The following CLIC5 variants were observed in gnomAD, a reference collection of about 807,000 sequenced individuals.
CLIC5 encodes chloride intracellular channel protein 5.
A neutral mutation model predicts 24.7 loss-of-function variants in CLIC5; 20 were observed. The ratio of observed to expected loss-of-function variants is 0.81; its 90% CI spans 0.57 to 1.18. The LOEUF is 1.18. Ranked by LOEUF, CLIC5 falls within the 50% of genes most tolerant of loss-of-function variation. CLIC5 has a pLI of 0.00. For synonymous variants in CLIC5, 159 were observed against 135.6 expected (o/e 1.17, Z -1.20); for missense variants, 341 against 326.1 (o/e 1.05, Z -0.35).
the CLIC5 span, among the ~76,000 whole-genome samples, chr6:46,111,921 C>T: frequency 4.6e-5 from 7 of 152,066 alleles, no homozygotes; most frequent in African/African-American, 1.7e-4. Context: ...CTCTTGTCTG[C>T]CACTATGTAA....
At chr6:45,919,225 C>T (rs1305249282) in intron 4 of CLIC5, among the ~76,000 whole-genome samples, 1 of 152,162 alleles carries the variant, frequency 6.6e-6, no homozygotes, top group East Asian at 1.9e-4. Context: ...GCTCTCCTTC[C>T]TGAGTCAGTG....
At chr6:46,001,251 G>A (rs1363082753) in intron 1 of CLIC5, among the ~76,000 whole-genome samples, 4 of 152,116 alleles carry the variant, frequency 2.6e-5, no homozygotes, top group African/African-American at 7.2e-5. Flanking sequence ...AGGTCCTGGG[G>A]TCTTGACTGG....
chr6:46,056,866 A>G (rs187492459), intron 1 of CLIC5, among the ~76,000 whole-genome samples: 207 of 152,194 alleles, frequency 1.4e-3, no homozygotes, highest in South Asian at 2.3e-3. Context: ...TACTGCACAA[A>G]TCAGTTTATA....
intron 5 of CLIC5, among the ~76,000 whole-genome samples, chr6:45,911,353 G>C (rs1762812222): frequency 6.6e-6 from 1 of 152,176 alleles, no homozygotes; most frequent in South Asian, 2.1e-4. Flanking sequence ...TGAAGTCCGA[G>C]TCCTTTGATA....
At chr6:46,015,939 A>T, upstream of CLIC5, 1 of 989,820 alleles carries the variant, frequency 1.0e-6, no homozygotes. Context: ...CGGCGGGGAC[A>T]CCCCGGCAGC....
At chr6:45,965,394 G>A (rs1764984046) in intron 1 of CLIC5, among the ~76,000 whole-genome samples, 1 of 152,226 alleles carries the variant, frequency 6.6e-6, no homozygotes, top group African/African-American at 2.4e-5. Context: ...AAGGAATATA[G>A]ATGGTTGAAG....
At chr6:45,988,004 A>G (rs1765801939) in intron 1 of CLIC5, among the ~76,000 whole-genome samples, 1 of 152,200 alleles carries the variant, frequency 6.6e-6, no homozygotes. Context: ...TAAAAGTCTT[A>G]ACTCATTCCA....
intron 1 of CLIC5, among the ~76,000 whole-genome samples, chr6:45,996,029 C>A (rs1042055756): frequency 4.0e-5 from 6 of 151,546 alleles, no homozygotes; most frequent in Non-Finnish European, 8.8e-5. Flanking sequence ...GGCTTCATAC[C>A]CAGGTAATGG....
At chr6:46,035,467 T>G (rs1318064132) in intron 1 of CLIC5, among the ~76,000 whole-genome samples, 1 of 152,232 alleles carries the variant, frequency 6.6e-6, no homozygotes, top group Non-Finnish European at 1.5e-5. Context: ...TAACTCTGCC[T>G]GAACTTCCCT....
At chr6:46,029,895 G>A (rs1767450593) in intron 1 of CLIC5, among the ~76,000 whole-genome samples, 1 of 152,176 alleles carries the variant, frequency 6.6e-6, no homozygotes, top group African/African-American at 2.4e-5. Flanking sequence ...GATTAAAAGG[G>A]CTTCAAGAGT....
chr6:46,048,233 C>T lies in CLIC5; in HGVS notation c.540+31470G>A, dbSNP rs576835853. ...GGCCAAGTTGGTCTCGAATTCCTGA[C>T]CTCAAGTGATCCACCCACCTGGGCC... On this transcript the variant is annotated intron_variant, in intron 1 of 5. Transcript: ENST00000185206. 3.9e-5 allele frequency among the ~76,000 whole-genome samples: 6 copies of T among 152,288 alleles called. No individual in the cohort carries two copies. The South Asian group carries it at 1.0e-3, about 26-fold the overall frequency.
chr6:45,979,951 C>CTTTTTTTTTTTTTTTTTTTTTT (rs3997321), intron 1 of CLIC5, among the ~76,000 whole-genome samples: 7 of 95,060 alleles, frequency 7.4e-5, no homozygotes, highest in Non-Finnish European at 1.4e-4. Context: ...GACTTAGTCA[C>CTTTTTTTTTTTTTTTTTTTTTT]TTTTTTTTTT....
At chr6:45,950,221 G>A (rs896906426) in intron 2 of CLIC5, among the ~76,000 whole-genome samples, 1 of 152,162 alleles carries the variant, frequency 6.6e-6, no homozygotes, top group Non-Finnish European at 1.5e-5. Context: ...CTGGCATATA[G>A]GAGGCCCTCA....
chr6:46,079,045 G>T (rs1195075401), intron 1 of CLIC5, among the ~76,000 whole-genome samples: 2 of 152,160 alleles, frequency 1.3e-5, no homozygotes, highest in South Asian at 2.1e-4. Context: ...TAATAAAGAT[G>T]ATTTGTTTAG....
chr6:45,941,763 A>C, intron 3 of CLIC5, 110 bp from the exon 4 acceptor site: 1 of 871,602 alleles, frequency 1.1e-6, no homozygotes, highest in Non-Finnish European at 1.9e-6. Flanking sequence ...TGCATCTACA[A>C]AATGTTTTGG....
At chr6:46,097,326 A>C in the CLIC5 span, 1 of 152,232 alleles carries the variant, frequency 6.6e-6, no homozygotes, top group Non-Finnish European at 1.5e-5. Context: ...TGTATGCTGG[A>C]AATTTTTCAT....
intron 4 of CLIC5, among the ~76,000 whole-genome samples, chr6:45,917,721 C>A (rs1763085576): frequency 1.3e-5 from 2 of 152,212 alleles, no homozygotes; most frequent in African/African-American, 4.8e-5. Context: ...CACCTGCCAA[C>A]TCATTCCTCT....
upstream of CLIC5, among the ~76,000 whole-genome samples, chr6:46,020,058 C>T (rs1017596205): frequency 1.3e-5 from 2 of 152,018 alleles, no homozygotes; most frequent in Admixed American, 1.3e-4. Context: ...AAGACCTAAA[C>T]AACACTATCA....
chr6:46,103,569 A>T, the CLIC5 span, among the ~76,000 whole-genome samples: 1 of 152,082 alleles, frequency 6.6e-6, no homozygotes, highest in African/African-American at 2.4e-5. Flanking sequence ...CCCTCCCATA[A>T]TGCATTTTGC....
Sources: allele counts gnomAD v4.1 joint callset (sites outside exome capture counted in the v4.1 genomes callset), GRCh38; gene constraint gnomAD v4.1.1; transcripts MANE v1.5; gene names NCBI Gene and HGNC (gene_info 2026-07-23, HGNC 2026-07-21).